KCNQ5: variants seen among roughly 807,000 people sequenced by gnomAD.
KCNQ5 encodes potassium voltage-gated channel subfamily Q member 5, also known as potassium voltage-gated channel subfamily KQT member 5.
A neutral mutation model predicts 98.2 loss-of-function variants in KCNQ5; 30 were observed. The observed-to-expected ratio is 0.31, with a 90% CI of 0.23 to 0.41. KCNQ5 has a LOEUF of 0.41. Ranked by LOEUF, KCNQ5 falls within the 10% of genes least tolerant of loss-of-function variation. The pLI is 1.00. For missense variants in KCNQ5, 835 were observed against 1,182.5 expected, an observed-to-expected ratio of 0.71 and a Z score of 4.31; for synonymous variants, 458 against 449.4, an observed-to-expected ratio of 1.02 and a Z score of -0.24.
At chr6:72,892,535 G>T (rs1357054368) in intron 1 of KCNQ5, among the ~76,000 whole-genome samples, 1 of 152,136 alleles carries the variant, frequency 6.6e-6, no homozygotes, top group Non-Finnish European at 1.5e-5. Flanking sequence ...TCAAGCAAAT[G>T]TATCAAACCC....
intron 1 of KCNQ5, among the ~76,000 whole-genome samples, chr6:72,748,318 TCTGTCACAGAA>T (rs1247687012): frequency 2.6e-5 from 4 of 152,168 alleles, no homozygotes; most frequent in Non-Finnish European, 5.9e-5. Flanking sequence ...ATGTAGCCTT[TCTGTCACAGAA>T]CTGTGCCCTG....
intron 2 of KCNQ5, among the ~76,000 whole-genome samples, chr6:73,018,805 A>G (rs1280258888): frequency 6.6e-6 from 1 of 152,168 alleles, no homozygotes; most frequent in Non-Finnish European, 1.5e-5. Flanking sequence ...AATGATGTCA[A>G]TGTAACACAG....
At chr6:73,078,966 T>C (rs2150392995) in intron 5 of KCNQ5, among the ~76,000 whole-genome samples, 2 of 152,358 alleles carry the variant, frequency 1.3e-5, no homozygotes, top group Non-Finnish European at 2.9e-5. Flanking sequence ...TTACATTTCT[T>C]TTTATTTTAT....
At chr6:72,920,422 A>G (rs1216554414) in intron 1 of KCNQ5, among the ~76,000 whole-genome samples, 1 of 152,168 alleles carries the variant, frequency 6.6e-6, no homozygotes. Context: ...AAAATAGTAG[A>G]GTATTCTGAG....
At chr6:73,074,106 T>C (rs1419552950) in intron 3 of KCNQ5, among the ~76,000 whole-genome samples, 1 of 152,242 alleles carries the variant, frequency 6.6e-6, no homozygotes, top group Non-Finnish European at 1.5e-5. Flanking sequence ...AAATATTTAT[T>C]GAGTGCCTAC....
At chr6:72,738,299 G>C (rs1250780910) in intron 1 of KCNQ5, among the ~76,000 whole-genome samples, 2 of 152,094 alleles carry the variant, frequency 1.3e-5, no homozygotes, top group African/African-American at 2.4e-5. Context: ...TCAGGCCCTT[G>C]TGACCTCATT....
rs1446847607 is a variant in KCNQ5, at chr6:73,129,781, C to T, written c.1248-3640C>T. Reference sequence around the variant, plus strand: ...GCTTAGTAATGTGCTGCTCTATTTCCCTCACTCCTAGTAAGTTCTGTAGTA... The same window carrying T: ...GCTTAGTAATGTGCTGCTCTATTTCTCTCACTCCTAGTAAGTTCTGTAGTA... On this transcript the variant is annotated intron_variant, in intron 9 of 13. Transcript: ENST00000370398. 2.5e-6 allele frequency: 4 copies of T among 1,609,560 alleles called. No homozygotes were observed. The highest frequency in any genetic ancestry group is 3.3e-5 in the Admixed American group (2 of 59,820).
intron 10 of KCNQ5, among the ~76,000 whole-genome samples, chr6:73,151,289 TC>T (rs1173017615): frequency 6.6e-6 from 1 of 152,220 alleles, no homozygotes; most frequent in Non-Finnish European, 1.5e-5. Flanking sequence ...TAGTTATTCC[TC>T]TTGATATTTA....
Position 73,195,589 on chromosome 6 carries a change from A to G in KCNQ5, c.*175A>G, listed in dbSNP as rs1027618951. 5 of 811,590 alleles carry G rather than the reference A, an allele frequency of 6.2e-6. No individual in the cohort carries two copies. The highest frequency in any genetic ancestry group is 9.4e-6 in the Non-Finnish European group (5 of 531,066). 50.3% of individuals were successfully genotyped at this position (811,590 alleles called of 1,614,324 possible). ...GAAAATGCATGTTTAGGGATGGCTA[A>G]AATTCCAAGGTGCATCGACATTAAC... On this transcript the variant is annotated 3_prime_UTR_variant, in exon 14 of 14. Coordinates refer to ENST00000370398, the MANE Select transcript of KCNQ5 (RefSeq NM_019842.4).
chr6:72,954,854 T>C (rs981558013), intron 1 of KCNQ5, among the ~76,000 whole-genome samples: 6 of 152,232 alleles, frequency 3.9e-5, no homozygotes, highest in Non-Finnish European at 7.3e-5. Flanking sequence ...AGCCTCACTG[T>C]TGAACGTGAT....
At chr6:72,910,664 C>T (rs760530567) in intron 1 of KCNQ5, among the ~76,000 whole-genome samples, 1 of 150,072 alleles carries the variant, frequency 6.7e-6, no homozygotes, top group Non-Finnish European at 1.5e-5. Context: ...TCACTTCTTA[C>T]CTGGACCTCC....
intron 11 of KCNQ5, among the ~76,000 whole-genome samples, chr6:73,177,597 A>T (rs567725074): frequency 0.012 from 1,857 of 152,360 alleles, 13 homozygotes; most frequent in Non-Finnish European, 0.019. Context: ...CTCCGCAAGT[A>T]AAGAAGAGGC....
In KCNQ5 at chr6:73,153,773, A is replaced by T. The variant is rs887700249; in HGVS notation, c.1469-15973A>T. ...TCTGTTTTGAGTACTAAGATTATTT[A>T]TTCTAGGTCCCAAATTTTTATGTCA... On this transcript the variant is annotated intron_variant, in intron 10 of 13. Coordinates refer to ENST00000370398, the MANE Select transcript of KCNQ5 (RefSeq NM_019842.4). 2.4e-4 allele frequency among the ~76,000 whole-genome samples: 37 copies of T among 152,102 alleles called. 1 individual carries two copies. The highest frequency in any genetic ancestry group is 4.6e-4 in the Admixed American group (7 of 15,280).
chr6:72,746,112 A>T (rs552443768), intron 1 of KCNQ5, among the ~76,000 whole-genome samples: 147 of 136,262 alleles, frequency 1.1e-3, no homozygotes, highest in African/African-American at 3.3e-3. Flanking sequence ...AAAGGGTCAC[A>T]TTCACAAATA....
intron 10 of KCNQ5, among the ~76,000 whole-genome samples, chr6:73,166,910 C>T (rs916467800): frequency 2.6e-5 from 4 of 152,154 alleles, no homozygotes; most frequent in East Asian, 1.9e-4. Context: ...TTAGGGTCCC[C>T]GCCTAATCCA....
At chr6:72,970,407 A>G (rs1236759054) in intron 1 of KCNQ5, among the ~76,000 whole-genome samples, 1 of 152,224 alleles carries the variant, frequency 6.6e-6, no homozygotes, top group Non-Finnish European at 1.5e-5. Context: ...TTTGATTACT[A>G]CCATGTGTGT....
At chr6:73,024,849 T>C (rs1393319320) in intron 2 of KCNQ5, among the ~76,000 whole-genome samples, 1 of 152,230 alleles carries the variant, frequency 6.6e-6, no homozygotes, top group Non-Finnish European at 1.5e-5. Context: ...GTTCAGTGCA[T>C]TCTGCATGAC....
chr6:72,901,656 G>A (rs905631730), intron 1 of KCNQ5, among the ~76,000 whole-genome samples: 2 of 152,254 alleles, frequency 1.3e-5, no homozygotes, highest in African/African-American at 4.8e-5. Flanking sequence ...TCAGTTAGCT[G>A]TAAGTATCTG....
chr6:72,888,201 T>G (rs111339975), intron 1 of KCNQ5, among the ~76,000 whole-genome samples: 22 of 152,052 alleles, frequency 1.4e-4, no homozygotes. Flanking sequence ...AAGTAGAAGG[T>G]AAGTTAATGC....
Sources: gnomAD v4.1 joint callset for allele counts (sites outside exome capture counted in the v4.1 genomes callset) on GRCh38, gnomAD v4.1.1 for gene constraint, MANE v1.5 for transcripts, NCBI Gene and HGNC (gene_info 2026-07-23, HGNC 2026-07-21) for gene names.